OGT: variants seen among roughly 807,000 people sequenced by gnomAD.
OGT encodes O-linked N-acetylglucosamine (GlcNAc) transferase, also known as UDP-N-acetylglucosamine--peptide N-acetylglucosaminyltransferase 110 kDa subunit.
OGT carries 3 observed loss-of-function variants against 75.8 expected under a neutral mutation model. The ratio of observed to expected loss-of-function variants is 0.04; its 90% CI spans 0.02 to 0.10. The LOEUF (loss-of-function observed/expected upper bound fraction) is 0.10, where lower values mean the gene tolerates loss of function less well. Ranked by LOEUF, OGT falls within the 10% of genes least tolerant of loss-of-function variation. OGT has a pLI of 1.00. For synonymous variants in OGT, 257 were observed against 289.7 expected, an observed-to-expected ratio of 0.89 and a Z score of 1.15; for missense variants, 260 against 824.4, an observed-to-expected ratio of 0.32 and a Z score of 8.38.
chrX:71,568,821 C>A (rs1485190314), intron 21 of OGT, among the ~76,000 whole-genome samples: 3 of 100,143 alleles, frequency 3.0e-5, no homozygotes, highest in Non-Finnish European at 5.9e-5. Flanking sequence ...TAGTGAGACT[C>A]TATCTCAAAA....
In OGT at chrX:71,574,073, G is replaced by A. The variant is rs187471257; in HGVS notation, c.*279G>A. ...TCTGATCTCCCTTGGTCTTCCATGG[G>A]ATGGTTAGTGTGGAGGGGAGATATA... On this transcript the variant is annotated 3_prime_UTR_variant, in exon 22 of 22. Transcript: ENST00000373719. The A allele has an allele frequency of 1.9e-4, 35 of 187,111 alleles. No homozygotes were observed. Among genetic ancestry groups the A allele is most frequent in the Non-Finnish European group, 3.2e-4 (33 of 101,544 alleles). The allele number at this position is 187,111 out of a possible 1,213,427, so 15.4% of individuals were successfully genotyped here.
At chrX:71,561,683 G>A in intron 14 of OGT, 92 bp from the exon 15 acceptor site, 1 of 688,097 alleles carries the variant, frequency 1.5e-6, no homozygotes, top group Non-Finnish European at 2.0e-6. Flanking sequence ...TATGTTAAAT[G>A]CCATTAAAAC....
chrX:71,562,720 A>T (rs1402202689), intron 15 of OGT, 127 bp from the exon 16 acceptor site: 1 of 596,731 alleles, frequency 1.7e-6, no homozygotes, highest in African/African-American at 2.3e-5. Context: ...TTTTTTTAAA[A>T]ACCACTTTAT....
At chrX:71,547,616 C>T in intron 4 of OGT, 1 of 940,003 alleles carries the variant, frequency 1.1e-6, no homozygotes, top group Non-Finnish European at 1.3e-6. Context: ...TAGCAACTGA[C>T]TTCCCAGTTA....
chrX:71,557,606 A>G lies in OGT; in HGVS notation c.1536A>G (p.Leu512=), dbSNP rs143784248. 134 of 1,208,324 alleles carry G rather than the reference A, an allele frequency of 1.1e-4. No individual in the cohort carries two copies. In the Middle Eastern group the frequency reaches 1.1e-3, roughly 10 times the overall value. Reference sequence around the variant, plus strand: ...CTGTGCATCCTCATCATAGTATGCTATATCCTCTTTCTCATGGCTTCAGGA... The same window carrying G: ...CTGTGCATCCTCATCATAGTATGCTGTATCCTCTTTCTCATGGCTTCAGGA... ...LPSVHPHHSM[L]YPLSHGFRKA... is the part of the protein sequence containing the mutation. The change falls in exon 12 of 22, where the codon CTA becomes CTG. Residue 512 remains leucine, a synonymous_variant. Transcript: ENST00000373719.
At chrX:71,542,800 A>G (rs1375374684) in intron 3 of OGT, among the ~76,000 whole-genome samples, 1 of 112,756 alleles carries the variant, frequency 8.9e-6, no homozygotes, top group Non-Finnish European at 1.9e-5. Context: ...AGAAAAAAAC[A>G]TAACCATACA....
intron 2 of OGT, 75 bp from the exon 3 acceptor site, chrX:71,537,750 CTGTT>C: frequency 9.1e-7 from 1 of 1,099,936 alleles, no homozygotes. Context: ...AGATCTCAAA[CTGTT>C]TGAGTTGCAT....
chrX:71,558,173 A>G (rs1201799473), intron 12 of OGT, among the ~76,000 whole-genome samples: 1 of 108,969 alleles, frequency 9.2e-6, no homozygotes, highest in East Asian at 2.9e-4. Context: ...CTGGTCTTGA[A>G]CCTCTGGGCT....
At chrX:71,571,283 A>G (rs931094255) in intron 21 of OGT, among the ~76,000 whole-genome samples, 5 of 112,162 alleles carry the variant, frequency 4.5e-5, no homozygotes, top group African/African-American at 1.6e-4. Context: ...CTATTCATCC[A>G]TTTATTCCCT....
chrX:71,563,161 G>A lies in OGT; in HGVS notation c.2180G>A (p.Gly727Glu). The change falls in exon 17 of 22, where the codon GGG (glycine) becomes GAG (glutamate). Residue 727 changes from glycine to glutamate, a missense_variant. Transcript: ENST00000373719. ...KKAVIDFKSN[G>E]HIYDNRIVLN... ...GCAGTCATCGATTTTAAGTCCAATGGGCACATTTATGACAATCGGATAGTT... is the reference window on the plus strand; with the variant it reads ...GCAGTCATCGATTTTAAGTCCAATGAGCACATTTATGACAATCGGATAGTT... 8.3e-7 allele frequency: 1 copy of A among 1,210,850 alleles called. No homozygotes were observed. The highest frequency in any genetic ancestry group is 1.1e-6 in the Non-Finnish European group (1 of 894,779).
intron 3 of OGT, among the ~76,000 whole-genome samples, chrX:71,542,256 T>C (rs1014928864): frequency 1.8e-5 from 2 of 111,934 alleles, no homozygotes; most frequent in African/African-American, 6.5e-5. Context: ...GCAGAAGTGA[T>C]GTCTTGGGTT....
rs760396961 is a variant in OGT at position 71,559,294 on chromosome X, G to A, written c.1630G>A (p.Glu544Lys). 1 of 1,210,083 alleles carries A rather than the reference G, an allele frequency of 8.3e-7. No individual in the cohort carries two copies. Among genetic ancestry groups the A allele is most frequent in the Non-Finnish European group, 1.1e-6 (1 of 894,599 alleles). Reference protein sequence around the residue: ...KINVLHKPPYEHPKDLKLSDG... With the variant: ...KINVLHKPPYKHPKDLKLSDG... ...TAATGTTCTTCATAAACCACCATAT[G>A]AACATCCAAAAGACTTGAAGCTCAG... is the stretch of plus-strand genomic sequence containing the variant. Residue 544 changes from glutamate to lysine, a missense_variant, in exon 13 of 22, where the codon GAA becomes AAA. Physicochemically the swap from Glu to Lys is moderately conservative, Grantham distance 56. Around this residue, in one of 6 missense-constraint regions of OGT, gnomAD observed 99 missense variants for 417.9 expected, o/e 0.24. Transcript: ENST00000373719.
At chrX:71,548,732 A>G (rs917237337) in intron 5 of OGT, among the ~76,000 whole-genome samples, 2 of 111,142 alleles carry the variant, frequency 1.8e-5, no homozygotes, top group African/African-American at 3.3e-5. Context: ...ACAAAGGGGA[A>G]CAATAGACAG....
At chrX:71,543,640 A>G (rs1209147445) in intron 3 of OGT, among the ~76,000 whole-genome samples, 2 of 109,342 alleles carry the variant, frequency 1.8e-5, no homozygotes, top group Non-Finnish European at 3.8e-5. Flanking sequence ...GTCATTTGCT[A>G]AATATGTTTT....
intron 17 of OGT, 39 bp from the exon 18 acceptor site, chrX:71,563,290 A>G: frequency 8.3e-7 from 1 of 1,201,037 alleles, no homozygotes; most frequent in South Asian, 1.8e-5. Flanking sequence ...AGTTAACTGC[A>G]TTCACGATCT....
Position 71,566,765 on chromosome X carries a change from G to A in OGT, c.2590-735G>A, listed in dbSNP as rs770890322. Among the ~76,000 whole-genome samples the A allele has an allele frequency of 8.0e-5, 9 of 112,418 alleles. No homozygotes were observed. In the South Asian group the frequency reaches 3.3e-3, roughly 41 times the overall value. ...AGAGGTACTAATATGTTTATAGGAA[G>A]TTGCTGCTGAGGGTGTTAATGTGAT... is the stretch of plus-strand genomic sequence containing the variant. On this transcript the variant is annotated intron_variant, in intron 19 of 21. Coordinates refer to ENST00000373719, the MANE Select transcript of OGT (RefSeq NM_181672.3).
In OGT at chrX:71,547,736, T is replaced by A. The variant is rs1285133801; in HGVS notation, c.532-171T>A. 2.8e-6 allele frequency: 3 copies of A among 1,084,274 alleles called. No homozygotes were observed. In the East Asian group the frequency reaches 1.0e-4, roughly 37 times the overall value. The allele number at this position is 1,084,274 out of a possible 1,213,427, so 89.4% of individuals were successfully genotyped here. A position where few individuals can be genotyped will look rare whatever the true frequency, so the allele number is the denominator to read the frequency against. On this transcript the variant is annotated intron_variant, in intron 4 of 21. Coordinates refer to ENST00000373719, the MANE Select transcript of OGT (RefSeq NM_181672.3). ...CAGCCAGCTGTGGCAGCGCATTAGT[T>A]TTGGCGCAAGCGAGCCTATGCTGCA...
At chrX:71,556,891 G>T in intron 9 of OGT, 61 bp from the exon 10 acceptor site, 1 of 1,130,811 alleles carries the variant, frequency 8.8e-7, no homozygotes, top group Non-Finnish European at 1.2e-6. Context: ...GAATAAGTTA[G>T]CATTACAGTG....
rs375725574 is a variant in OGT at position 71,540,173 on chromosome X, A to G, written c.462+2101A>G. Among the ~76,000 whole-genome samples, 37 of 112,425 alleles carry G rather than the reference A, an allele frequency of 3.3e-4. 4 individuals carry two copies. The East Asian group carries it at 8.1e-3, about 25-fold the overall frequency. On this transcript the variant is annotated intron_variant, in intron 3 of 21. Transcript: ENST00000373719. Reference sequence around the variant, plus strand: ...ACTGTTTTTACCAATAAGAATGAAAATGGGATTGTGCAAGTTCCCTTGATT... The same window carrying G: ...ACTGTTTTTACCAATAAGAATGAAAGTGGGATTGTGCAAGTTCCCTTGATT...
Sources: allele counts gnomAD v4.1 joint callset (sites outside exome capture counted in the v4.1 genomes callset), GRCh38; gene constraint gnomAD v4.1.1; regional missense constraint gnomAD v4.1.1; transcripts MANE v1.5; gene names NCBI Gene and HGNC (gene_info 2026-07-23, HGNC 2026-07-21).